Variants in CAPS2 observed in about 807,000 individuals in gnomAD.
The protein encoded by CAPS2 is calcyphosine 2.
Under a neutral mutation model 86.5 loss-of-function variants are expected in CAPS2, and 98 were observed. That is an observed-to-expected ratio of 1.13 (90% confidence interval 0.96 to 1.34). CAPS2 has a LOEUF of 1.34. CAPS2 is among the 40% of genes most tolerant of loss of function. The pLI is 0.00. For missense variants in CAPS2, 729 were observed against 686.8 expected (o/e 1.06, Z -0.69); for synonymous variants, 210 against 225.1 (o/e 0.93, Z 0.60).
At chr12:75,322,562 T>C (rs1158276844) in intron 4 of CAPS2, among the ~76,000 whole-genome samples, 4 of 152,170 alleles carry the variant, frequency 2.6e-5, no homozygotes, top group Non-Finnish European at 4.4e-5. Flanking sequence ...TATATTCAAA[T>C]TGTGAGCAAA....
intron 1 of CAPS2, among the ~76,000 whole-genome samples, chr12:75,388,236 T>C (rs568953491): frequency 7.9e-5 from 12 of 152,304 alleles, no homozygotes; most frequent in Non-Finnish European, 1.6e-4. Flanking sequence ...CCTTTGCTCC[T>C]CCTTCGTCTT....
At chr12:75,298,523 A>C in intron 11 of CAPS2, 164 bp downstream of exon 11, 1 of 534,392 alleles carries the variant, frequency 1.9e-6, no homozygotes, top group Non-Finnish European at 3.3e-6. Flanking sequence ...TGGGAAGCAG[A>C]AGCTCCTGGC....
chr12:75,281,005 T>A (rs1241568606), intron 16 of CAPS2, among the ~76,000 whole-genome samples: 1 of 151,920 alleles, frequency 6.6e-6, no homozygotes, highest in Non-Finnish European at 1.5e-5. Context: ...CATAAAATAT[T>A]GTCAATAAAT....
chr12:75,289,906 A>T, intron 13 of CAPS2, 131 bp from the exon 14 acceptor site: 1 of 671,250 alleles, frequency 1.5e-6, no homozygotes. Flanking sequence ...AACAAATCAA[A>T]TGTAAGACAA....
chr12:75,342,831 C>G (rs1364537685), intron 1 of CAPS2, among the ~76,000 whole-genome samples: 1 of 151,944 alleles, frequency 6.6e-6, no homozygotes, highest in African/African-American at 2.4e-5. Context: ...TTATTTAAGT[C>G]TTTTACAACT....
intron 16 of CAPS2, among the ~76,000 whole-genome samples, chr12:75,281,529 G>A (rs558420995): frequency 2.0e-5 from 3 of 151,980 alleles, no homozygotes; most frequent in Admixed American, 1.3e-4. Flanking sequence ...TCTTCAGTGC[G>A]CCTTTCATGT....
At chr12:75,315,023 C>G (rs2039614409) in intron 6 of CAPS2, among the ~76,000 whole-genome samples, 1 of 152,180 alleles carries the variant, frequency 6.6e-6, no homozygotes, top group African/African-American at 2.4e-5. Flanking sequence ...AAGAAGTTTT[C>G]ACCTACATTT....
chr12:75,350,826 CA>C (rs542686313), intron 1 of CAPS2, among the ~76,000 whole-genome samples: 84 of 152,248 alleles, frequency 5.5e-4, no homozygotes, highest in African/African-American at 1.9e-3. Context: ...AGCAAGGGCA[CA>C]GAACTGGGAT....
chr12:75,287,302 G>A (rs139437931), intron 14 of CAPS2, among the ~76,000 whole-genome samples: 34 of 151,536 alleles, frequency 2.2e-4, no homozygotes, highest in Admixed American at 1.8e-3. Flanking sequence ...GGCAGGAATC[G>A]TCTCCTGCCT....
At chr12:75,351,179 A>G (rs1345878897) in intron 1 of CAPS2, among the ~76,000 whole-genome samples, 1 of 152,228 alleles carries the variant, frequency 6.6e-6, no homozygotes, top group Non-Finnish European at 1.5e-5. Flanking sequence ...TGTGAGAACT[A>G]TGAGATTATG....
intron 1 of CAPS2, among the ~76,000 whole-genome samples, chr12:75,359,052 T>C (rs2043365736): frequency 6.7e-6 from 1 of 150,350 alleles, no homozygotes; most frequent in Non-Finnish European, 1.5e-5. Flanking sequence ...TGCTACTGTA[T>C]AGAAAATCCA....
exon 17 of CAPS2, chr12:75,278,295 C>T: frequency 1.0e-6 from 1 of 982,986 alleles, no homozygotes; most frequent in Non-Finnish European, 1.2e-6. Flanking sequence ...AAATGAGCAT[C>T]ATGGGGTAAA....
chr12:75,388,656 C>T (rs965701397), intron 1 of CAPS2, among the ~76,000 whole-genome samples: 7 of 152,000 alleles, frequency 4.6e-5, no homozygotes, highest in African/African-American at 1.4e-4. Flanking sequence ...GATGAATAGT[C>T]TGAGCACCAG....
intron 1 of CAPS2, among the ~76,000 whole-genome samples, chr12:75,386,670 A>C (rs1225415529): frequency 6.6e-6 from 1 of 152,222 alleles, no homozygotes; most frequent in Non-Finnish European, 1.5e-5. Context: ...AACAATAGCA[A>C]AAATACAATA....
chr12:75,330,612 G>T (rs966995491), upstream of CAPS2, among the ~76,000 whole-genome samples: 1 of 151,996 alleles, frequency 6.6e-6, no homozygotes, highest in African/African-American at 2.4e-5. Context: ...GAGATACATA[G>T]ATATTAGACA....
At chr12:75,325,965 C>G (rs999616423) in intron 1 of CAPS2, among the ~76,000 whole-genome samples, 1 of 151,990 alleles carries the variant, frequency 6.6e-6, no homozygotes, top group African/African-American at 2.4e-5. Flanking sequence ...AACTGCAAGT[C>G]ATAAAAATTA....
At chr12:75,331,006 A>C (rs1369771184), upstream of CAPS2, among the ~76,000 whole-genome samples, 1 of 152,110 alleles carries the variant, frequency 6.6e-6, no homozygotes, top group Non-Finnish European at 1.5e-5. Flanking sequence ...GCTGGTCTCG[A>C]ACTCCTGACC....
chr12:75,315,634 C>A (rs1231416182), intron 6 of CAPS2, among the ~76,000 whole-genome samples: 1 of 152,126 alleles, frequency 6.6e-6, no homozygotes, highest in African/African-American at 2.4e-5. Context: ...TGCTTTGTTA[C>A]TATTTATGCT....
chr12:75,322,708 G>C (rs1305832665), intron 4 of CAPS2, among the ~76,000 whole-genome samples: 1 of 152,160 alleles, frequency 6.6e-6, no homozygotes, highest in Non-Finnish European at 1.5e-5. Context: ...TGCTTAAGCA[G>C]CAAGATCTGA....
Sources: allele counts gnomAD v4.1 joint callset (sites outside exome capture counted in the v4.1 genomes callset), GRCh38; gene constraint gnomAD v4.1.1; transcripts MANE v1.5; gene names NCBI Gene and HGNC (gene_info 2026-07-23, HGNC 2026-07-21).